CRYBG1: variants seen among roughly 807,000 people sequenced by gnomAD.
CRYBG1 encodes the protein beta/gamma crystallin domain-containing protein 1.
A neutral mutation model predicts 189.2 loss-of-function variants in CRYBG1; 139 were observed. The observed-to-expected ratio is 0.73, with a 90% CI of 0.64 to 0.85. The LOEUF (loss-of-function observed/expected upper bound fraction) is 0.85. Ranked by LOEUF, CRYBG1 falls within the 40% of genes least tolerant of loss-of-function variation. The probability of loss-of-function intolerance (pLI) is 0.00; values close to 1 mark genes in which losing one functional copy is unlikely to be tolerated. For missense variants in CRYBG1, 2,611 were observed against 2,675.8 expected, an observed-to-expected ratio of 0.98 and a Z score of 0.53; for synonymous variants, 1,023 against 1,017.1, an observed-to-expected ratio of 1.01 and a Z score of -0.11.
intron 15 of CRYBG1, 87 bp downstream of exon 15, chr6:106,552,303 G>C: frequency 9.8e-7 from 1 of 1,020,070 alleles, no homozygotes; most frequent in African/African-American, 1.7e-5. Context: ...CAGACATTTG[G>C]GGCCGGGTGT....
chr6:106,369,431 T>A (rs1769970237), intron 1 of CRYBG1, among the ~76,000 whole-genome samples: 1 of 152,228 alleles, frequency 6.6e-6, no homozygotes, highest in Non-Finnish European at 1.5e-5. Context: ...TGAGTCTCAG[T>A]CATTAGAATT....
At chr6:106,508,982 C>A (rs1773188586) in intron 2 of CRYBG1, among the ~76,000 whole-genome samples, 1 of 27,748 alleles carries the variant, frequency 3.6e-5, no homozygotes, top group African/African-American at 9.4e-5. Flanking sequence ...GCTTGCTGAT[C>A]AAGCGTCTGC....
rs1409828910 is a variant in CRYBG1, at chr6:106,520,851, G to C, written c.3643G>C (p.Val1215Leu). 2.8e-5 allele frequency: 45 copies of C among 1,614,028 alleles called. No individual in the cohort carries two copies. Among genetic ancestry groups the C allele is most frequent in the Non-Finnish European group, 3.8e-5 (45 of 1,180,020 alleles). ...CACTAATGGGAACAGTGAGCCTCTG[G>C]TGATGCCGGAAATCAATGACAAAGA... ...TNTNGNSEPL[V>L]MPEINDKENR... Residue 1215 changes from valine (V) to leucine (L), a missense_variant, in exon 4 of 22, where the codon GTG becomes CTG. By Grantham distance (32) the Val-to-Leu change is conservative. Coordinates refer to ENST00000633556, the MANE Select transcript of CRYBG1 (RefSeq NM_001371242.2).
intron 1 of CRYBG1, 119 bp from the exon 2 acceptor site, chr6:106,451,575 A>T (rs1452354801): frequency 9.9e-7 from 1 of 1,011,720 alleles, no homozygotes; most frequent in Non-Finnish European, 1.4e-6. Flanking sequence ...TTGAAGAATG[A>T]TTCATTATTT....
At position 106,512,231 on chromosome 6, in the gene CRYBG1, C is replaced by G. The variant is rs1462601318; in HGVS notation, c.1114C>G (p.Pro372Ala). Residue 372 changes from proline (P) to alanine (A), a missense_variant, in exon 3 of 22, where the codon CCT becomes GCT. By Grantham distance (27) the Pro-to-Ala change is conservative (BLOSUM62 -1). This residue lies in a region of CRYBG1 where 985 missense variants were observed against 924.4 expected (regional missense o/e 1.07). Coordinates refer to ENST00000633556, the MANE Select transcript of CRYBG1 (RefSeq NM_001371242.2). ...CTARPKGHAH[P>A]AKVLTLDIYL... ...AGCCCGCCCCAAGGGTCACGCCCACCCTGCTAAGGTGCTAACTTTGGACAT... is the reference window on the plus strand; with the variant it reads ...AGCCCGCCCCAAGGGTCACGCCCACGCTGCTAAGGTGCTAACTTTGGACAT... 1 of 1,538,988 alleles carries G rather than the reference C, an allele frequency of 6.5e-7. No individual in the cohort carries two copies. Among genetic ancestry groups the G allele is most frequent in the Non-Finnish European group, 8.7e-7 (1 of 1,147,570 alleles).
chr6:106,497,311 A>G (rs1772873472), intron 2 of CRYBG1, among the ~76,000 whole-genome samples: 1 of 152,166 alleles, frequency 6.6e-6, no homozygotes, highest in Non-Finnish European at 1.5e-5. Flanking sequence ...TTACAAGGAT[A>G]ATTTTATAGA....
chr6:106,564,038 A>G, intron 21 of CRYBG1, 112 bp downstream of exon 21: 1 of 1,143,548 alleles, frequency 8.7e-7, no homozygotes, highest in Non-Finnish European at 1.3e-6. Flanking sequence ...AGTAACAGTA[A>G]GAGAGCCCCT....
chr6:106,571,900 C>G lies in CRYBG1; in HGVS notation c.*3334C>G. 1.3e-6 allele frequency: 1 copy of G among 748,108 alleles called. No homozygotes were observed. The highest frequency in any genetic ancestry group is 1.8e-5 in the African/African-American group (1 of 56,922). The allele number at this position is 748,108 out of a possible 1,614,324, so 46.3% of individuals were successfully genotyped here. ...TGTATCATGGAATGTATAATCTAAT[C>G]TGGAAAAATGTTTGAAAGGGATGGC... On this transcript the variant is annotated 3_prime_UTR_variant, in exon 22 of 22. Transcript: ENST00000633556.
At chr6:106,450,120 A>G (rs1285205542) in intron 1 of CRYBG1, among the ~76,000 whole-genome samples, 1 of 151,406 alleles carries the variant, frequency 6.6e-6, no homozygotes, top group Non-Finnish European at 1.5e-5. Flanking sequence ...CCAGCTGCTG[A>G]GGCAGGAGCA....
chr6:106,428,860 C>T (rs1463203805), intron 1 of CRYBG1, among the ~76,000 whole-genome samples: 1 of 152,216 alleles, frequency 6.6e-6, no homozygotes, highest in Non-Finnish European at 1.5e-5. Context: ...TGTGAAGGAG[C>T]TTTGTGGCAG....
chr6:106,502,848 TC>T (rs1350970330), intron 2 of CRYBG1, among the ~76,000 whole-genome samples: 1 of 152,226 alleles, frequency 6.6e-6, no homozygotes, highest in African/African-American at 2.4e-5. Context: ...TCAGGGTTCT[TC>T]TTTCACATGG....
At chr6:106,399,411 G>A (rs892048456) in intron 1 of CRYBG1, among the ~76,000 whole-genome samples, 1 of 152,102 alleles carries the variant, frequency 6.6e-6, no homozygotes, top group Non-Finnish European at 1.5e-5. Context: ...CTTATTTGAT[G>A]CCCTTGTTAT....
intron 1 of CRYBG1, among the ~76,000 whole-genome samples, chr6:106,384,738 T>C (rs1464467440): frequency 6.6e-6 from 1 of 152,080 alleles, no homozygotes; most frequent in African/African-American, 2.4e-5. Context: ...TAAGTATGTT[T>C]TAAAAGTAAA....
intron 2 of CRYBG1, among the ~76,000 whole-genome samples, chr6:106,483,918 C>A (rs1772537386): frequency 6.6e-6 from 1 of 152,134 alleles, no homozygotes; most frequent in Non-Finnish European, 1.5e-5. Context: ...TTAAAAAAAT[C>A]TCTGCCCAGC....
intron 1 of CRYBG1, among the ~76,000 whole-genome samples, chr6:106,414,847 C>T (rs965316393): frequency 2.6e-5 from 4 of 152,124 alleles, no homozygotes; most frequent in African/African-American, 9.7e-5. Flanking sequence ...TACTTTTCAA[C>T]CCATGTGACT....
chr6:106,481,269 C>T lies in CRYBG1; in HGVS notation c.312+29437C>T, dbSNP rs1341613227. Among the ~76,000 whole-genome samples the T allele has an allele frequency of 1.2e-4, 7 of 58,562 alleles. 2 individuals carry two copies. The highest frequency in any genetic ancestry group is 5.5e-4 in the African/African-American group (6 of 10,928). 38.4% of individuals were successfully genotyped at this position (58,562 alleles called of 152,430 possible). ...GATTACAGGCGTGAGCCACCGCGCC[C>T]GGCCGAGACTCTGTCTTAAGAAAAG... On this transcript the variant is annotated intron_variant, in intron 2 of 21. Coordinates refer to ENST00000633556, the MANE Select transcript of CRYBG1 (RefSeq NM_001371242.2).
chr6:106,512,634 C>A lies in CRYBG1; in HGVS notation c.1517C>A (p.Pro506Gln). The A allele has an allele frequency of 6.3e-7, 1 of 1,593,746 alleles. No homozygotes were observed. The highest frequency in any genetic ancestry group is 2.3e-5 in the East Asian group (1 of 44,032). Residue 506 changes from proline to glutamine, a missense_variant, in exon 3 of 22, where the codon CCA (proline) becomes CAA (glutamine). Physicochemically the swap from Pro to Gln is moderately conservative, Grantham distance 76. Coordinates refer to ENST00000633556, the MANE Select transcript of CRYBG1 (RefSeq NM_001371242.2). Reference sequence around the variant, plus strand: ...GGGGAGTCGGACCGGAGCAAACAGCCACCCCCGGCTTCGTCCCCCACGAAG... The same window carrying A: ...GGGGAGTCGGACCGGAGCAAACAGCAACCCCCGGCTTCGTCCCCCACGAAG... ...LRGESDRSKQ[P>Q]PPASSPTKRK...
intron 1 of CRYBG1, among the ~76,000 whole-genome samples, chr6:106,380,480 C>G (rs1562291400): frequency 6.6e-6 from 1 of 152,092 alleles, no homozygotes; most frequent in Non-Finnish European, 1.5e-5. Flanking sequence ...TGGGTTGGCA[C>G]AGAGAGGAGA....
At chr6:106,376,969 A>G (rs6900664) in intron 1 of CRYBG1, among the ~76,000 whole-genome samples, 2,651 of 152,294 alleles carry the variant, frequency 0.017, 83 homozygotes, top group African/African-American at 0.06. Context: ...ACAGAAATAT[A>G]AGCAAATTGT....
Sources: allele counts gnomAD v4.1 joint callset (sites outside exome capture counted in the v4.1 genomes callset), GRCh38; gene constraint gnomAD v4.1.1; regional missense constraint gnomAD v4.1.1; transcripts MANE v1.5; gene names NCBI Gene and HGNC (gene_info 2026-07-23, HGNC 2026-07-21).